ARFIP1: variants seen among roughly 807,000 people sequenced by gnomAD.
ARFIP1 encodes the protein arfaptin-1.
ARFIP1 carries 24 observed loss-of-function variants against 42.5 expected under a neutral mutation model. The ratio of observed to expected loss-of-function variants is 0.57; its 90% CI spans 0.41 to 0.80. The LOEUF is 0.80. ARFIP1 is among the 30% of genes least tolerant of loss of function. The pLI is 0.00. For missense variants in ARFIP1, 354 were observed against 434.0 expected (o/e 0.82, Z 1.64); for synonymous variants, 141 against 153.7 (o/e 0.92, Z 0.61).
intron 8 of ARFIP1, among the ~76,000 whole-genome samples, chr4:152,891,818 C>A (rs1190496593): frequency 3.3e-5 from 5 of 152,260 alleles, no homozygotes; most frequent in African/African-American, 1.2e-4. Context: ...AAGCAGTTCT[C>A]TTGCCTCAGC....
chr4:152,860,162 T>G (rs1299691171), intron 2 of ARFIP1, among the ~76,000 whole-genome samples: 1 of 152,120 alleles, frequency 6.6e-6, no homozygotes, highest in Non-Finnish European at 1.5e-5. Flanking sequence ...GTAGTGTACT[T>G]TTTGTATGTT....
At chr4:152,823,885 T>TATC (rs1730598633) in intron 1 of ARFIP1, among the ~76,000 whole-genome samples, 1 of 150,942 alleles carries the variant, frequency 6.6e-6, no homozygotes, top group Non-Finnish European at 1.5e-5. Context: ...ATGGGGCCAG[T>TATC]ATCACCCTGA....
intron 1 of ARFIP1, among the ~76,000 whole-genome samples, chr4:152,814,582 G>A (rs1191996850): frequency 2.0e-5 from 3 of 152,282 alleles, no homozygotes; most frequent in South Asian, 2.1e-4. Flanking sequence ...GCCAGGCATG[G>A]TGGCACACTG....
At chr4:152,902,715 G>T (rs1561184425) in intron 8 of ARFIP1, among the ~76,000 whole-genome samples, 1 of 152,170 alleles carries the variant, frequency 6.6e-6, no homozygotes, top group Non-Finnish European at 1.5e-5. Flanking sequence ...TTGAAAAAAG[G>T]TAAAGACCCT....
intron 8 of ARFIP1, among the ~76,000 whole-genome samples, chr4:152,890,663 A>C (rs913396813): frequency 6.6e-6 from 1 of 152,086 alleles, no homozygotes; most frequent in Non-Finnish European, 1.5e-5. Flanking sequence ...GGTAAGGGTA[A>C]AGGATTGGGA....
chr4:152,898,128 G>A (rs1379077153), intron 8 of ARFIP1, among the ~76,000 whole-genome samples: 2 of 151,590 alleles, frequency 1.3e-5, no homozygotes, highest in African/African-American at 2.4e-5. Flanking sequence ...GATTACAGGC[G>A]CCCACCACAA....
chr4:152,812,307 A>G (rs1393503583), intron 1 of ARFIP1, among the ~76,000 whole-genome samples: 1 of 152,066 alleles, frequency 6.6e-6, no homozygotes, highest in Non-Finnish European at 1.5e-5. Context: ...CAATCCTTCC[A>G]CCTCAGCCTC....
intron 1 of ARFIP1, among the ~76,000 whole-genome samples, chr4:152,792,052 A>G (rs753729044): frequency 4.6e-5 from 7 of 152,196 alleles, no homozygotes; most frequent in Non-Finnish European, 1.0e-4. Flanking sequence ...AAAGAAATAG[A>G]GCCACTTAAA....
chr4:152,901,841 C>A (rs1018142086), intron 8 of ARFIP1, among the ~76,000 whole-genome samples: 9 of 152,090 alleles, frequency 5.9e-5, no homozygotes, highest in African/African-American at 1.9e-4. Flanking sequence ...ACTTTTATTT[C>A]TTTCGTCTGC....
intron 7 of ARFIP1, 80 bp from the exon 8 acceptor site, chr4:152,888,053 A>G: frequency 1.8e-6 from 2 of 1,096,376 alleles, no homozygotes; most frequent in Non-Finnish European, 2.6e-6. Flanking sequence ...TATGAGACTG[A>G]ATATTACGTA....
intron 8 of ARFIP1, among the ~76,000 whole-genome samples, chr4:152,905,542 A>ATTTTT (rs1391678382): frequency 1.5e-4 from 7 of 45,966 alleles, no homozygotes; most frequent in African/African-American, 5.3e-4. Flanking sequence ...AATTGTAAGA[A>ATTTTT]TTGTTTTTTT....
chr4:152,861,524 G>A (rs1052840041), intron 2 of ARFIP1, among the ~76,000 whole-genome samples: 1 of 152,168 alleles, frequency 6.6e-6, no homozygotes, highest in African/African-American at 2.4e-5. Flanking sequence ...CATTTAAGGA[G>A]TACATTTAGA....
intron 2 of ARFIP1, among the ~76,000 whole-genome samples, chr4:152,840,414 T>C (rs928557089): frequency 6.6e-6 from 1 of 152,234 alleles, no homozygotes; most frequent in Non-Finnish European, 1.5e-5. Context: ...GTAATTGTTC[T>C]ATAAATTTGG....
At chr4:152,877,452 A>AC (rs1238949409) in intron 5 of ARFIP1, among the ~76,000 whole-genome samples, 1 of 151,770 alleles carries the variant, frequency 6.6e-6, no homozygotes, top group Non-Finnish European at 1.5e-5. Context: ...CAATACCTGT[A>AC]CCCCCATTGT....
intron 8 of ARFIP1, 77 bp downstream of exon 8, chr4:152,888,384 C>G: frequency 9.7e-7 from 1 of 1,033,296 alleles, no homozygotes; most frequent in Non-Finnish European, 1.4e-6. Flanking sequence ...TTTTCTGTTT[C>G]TGTTAACTCT....
intron 4 of ARFIP1, 70 bp downstream of exon 4, chr4:152,870,918 A>G (rs538566615): frequency 3.0e-6 from 4 of 1,322,780 alleles, no homozygotes; most frequent in African/African-American, 2.9e-5. Context: ...ACTCAGTTTC[A>G]TAATCACTTG....
At chr4:152,908,744 C>T (rs1047753806) in intron 8 of ARFIP1, among the ~76,000 whole-genome samples, 3 of 152,156 alleles carry the variant, frequency 2.0e-5, no homozygotes, top group African/African-American at 7.2e-5. Flanking sequence ...TTTCTACCCT[C>T]TGTCAGGGCA....
At chr4:152,902,813 CTCT>C (rs1737957035) in intron 8 of ARFIP1, among the ~76,000 whole-genome samples, 1 of 152,174 alleles carries the variant, frequency 6.6e-6, no homozygotes, top group Non-Finnish European at 1.5e-5. Flanking sequence ...CTTTGTCTCT[CTCT>C]GAAAGCCAGC....
intron 2 of ARFIP1, among the ~76,000 whole-genome samples, chr4:152,843,096 T>G (rs1371356149): frequency 6.6e-6 from 1 of 152,192 alleles, no homozygotes; most frequent in Non-Finnish European, 1.5e-5. Context: ...AGATTTTTTT[T>G]GTCCTATGGG....
Sources: gnomAD v4.1 joint callset for allele counts (sites outside exome capture counted in the v4.1 genomes callset) on GRCh38, gnomAD v4.1.1 for gene constraint, MANE v1.5 for transcripts, NCBI Gene and HGNC (gene_info 2026-07-23, HGNC 2026-07-21) for gene names.